The following CCDC171 variants were observed in gnomAD, a reference collection of about 807,000 sequenced individuals.
CCDC171 encodes the protein coiled-coil domain-containing protein 171.
A neutral mutation model predicts 168.2 loss-of-function variants in CCDC171; 177 were observed. That is an observed-to-expected ratio of 1.05 (90% confidence interval 0.93 to 1.19). The LOEUF (loss-of-function observed/expected upper bound fraction) is 1.19, where lower values mean the gene tolerates loss of function less well. Ranked by LOEUF, CCDC171 falls within the 50% of genes most tolerant of loss-of-function variation. The probability of loss-of-function intolerance (pLI) is 0.00; values close to 1 mark genes in which losing one functional copy is unlikely to be tolerated. For missense variants in CCDC171, 1,991 were observed against 1,539.0 expected, an observed-to-expected ratio of 1.29 and a Z score of -4.91; for synonymous variants, 687 against 540.8, an observed-to-expected ratio of 1.27 and a Z score of -3.75.
intron 7 of CCDC171, among the ~76,000 whole-genome samples, chr9:15,648,732 T>C (rs2047250786): frequency 6.6e-6 from 1 of 152,030 alleles, no homozygotes; most frequent in Non-Finnish European, 1.5e-5. Flanking sequence ...AAACCAGTGC[T>C]CAACAAAATA....
chr9:15,721,152 T>C (rs2053453728), intron 11 of CCDC171, among the ~76,000 whole-genome samples: 1 of 152,224 alleles, frequency 6.6e-6, no homozygotes, highest in Non-Finnish European at 1.5e-5. Context: ...AGGGTTTTAA[T>C]TGAAACATGA....
chr9:15,954,849 A>G (rs1002648381), intron 25 of CCDC171, among the ~76,000 whole-genome samples: 2 of 151,834 alleles, frequency 1.3e-5, no homozygotes, highest in African/African-American at 4.8e-5. Flanking sequence ...TTTTCTTCAC[A>G]TCTTTCTTTA....
chr9:15,701,956 G>A (rs2051784573), intron 11 of CCDC171, among the ~76,000 whole-genome samples: 8 of 152,180 alleles, frequency 5.3e-5, no homozygotes, highest in Admixed American at 3.9e-4. Flanking sequence ...ATCTATGGCA[G>A]CTATAGCCTT....
At chr9:16,031,155 A>G (rs1456859347) in intron 6 of CCDC171, among the ~76,000 whole-genome samples, 1 of 152,130 alleles carries the variant, frequency 6.6e-6, no homozygotes, top group Non-Finnish European at 1.5e-5. Context: ...GGTGAATTTT[A>G]TGTTTAGGAG....
intron 16 of CCDC171, among the ~76,000 whole-genome samples, chr9:15,740,875 C>T (rs922268992): frequency 6.6e-6 from 1 of 152,092 alleles, no homozygotes; most frequent in African/African-American, 2.4e-5. Flanking sequence ...AATTGTACTA[C>T]GTTTATCAAT....
At chr9:15,775,465 C>T (rs761658366) in intron 18 of CCDC171, among the ~76,000 whole-genome samples, 3 of 152,086 alleles carry the variant, frequency 2.0e-5, no homozygotes, top group South Asian at 2.1e-4. Flanking sequence ...ATTACAGGCA[C>T]GTGCCACCAC....
chr9:15,943,862 T>A (rs958990863), intron 25 of CCDC171, among the ~76,000 whole-genome samples: 2 of 151,964 alleles, frequency 1.3e-5, no homozygotes, highest in Admixed American at 1.3e-4. Flanking sequence ...TCATGGGGTT[T>A]GAAAAGATAA....
chr9:15,629,362 G>A (rs1057422024), intron 7 of CCDC171, among the ~76,000 whole-genome samples: 1 of 152,160 alleles, frequency 6.6e-6, no homozygotes, highest in Non-Finnish European at 1.5e-5. Flanking sequence ...GCCAAGGCTC[G>A]AGAACTACGT....
At chr9:16,059,168 A>T (rs2133083303) in intron 1 of CCDC171, among the ~76,000 whole-genome samples, 1 of 152,302 alleles carries the variant, frequency 6.6e-6, no homozygotes, top group Non-Finnish European at 1.5e-5. Context: ...CAATTATAAC[A>T]GCTGCCATTT....
At chr9:15,792,731 T>C (rs1213997053) in intron 21 of CCDC171, among the ~76,000 whole-genome samples, 1 of 152,046 alleles carries the variant, frequency 6.6e-6, no homozygotes, top group South Asian at 2.1e-4. Context: ...CTAAGCTTCA[T>C]AAGCGAAGGA....
intron 24 of CCDC171, among the ~76,000 whole-genome samples, chr9:15,899,226 T>A (rs895291798): frequency 6.6e-6 from 1 of 152,228 alleles, no homozygotes; most frequent in South Asian, 2.1e-4. Context: ...ACAGTTTGTT[T>A]AGCCATTCAT....
intron 9 of CCDC171, among the ~76,000 whole-genome samples, chr9:15,672,194 G>A (rs1180708589): frequency 6.6e-6 from 1 of 152,104 alleles, no homozygotes; most frequent in Non-Finnish European, 1.5e-5. Context: ...TTTTGATGGG[G>A]TTGTTTGTTT....
chr9:15,875,257 CTT>C (rs1420223494), intron 24 of CCDC171: 1 of 151,942 alleles, frequency 6.6e-6, no homozygotes, highest in Non-Finnish European at 1.5e-5. Flanking sequence ...ATTTATAAAA[CTT>C]AAAATATCAA....
chr9:15,598,426 T>C (rs764708087), intron 6 of CCDC171, among the ~76,000 whole-genome samples: 5 of 151,974 alleles, frequency 3.3e-5, no homozygotes, highest in Non-Finnish European at 7.4e-5. Flanking sequence ...CATTCAGGAG[T>C]AGGTTGTTCA....
intron 19 of CCDC171, 90 bp from the exon 20 acceptor site, chr9:15,778,878 C>T: frequency 1.0e-6 from 1 of 967,668 alleles, no homozygotes. Flanking sequence ...TTTGGATAAT[C>T]TAAGTTACAT....
At chr9:15,659,740 G>C (rs772028901) in intron 8 of CCDC171, among the ~76,000 whole-genome samples, 1 of 152,172 alleles carries the variant, frequency 6.6e-6, no homozygotes, top group East Asian at 1.9e-4. Flanking sequence ...TATCAAGTAG[G>C]ATGGTGGGAT....
the CCDC171 span, among the ~76,000 whole-genome samples, chr9:16,100,331 G>A: frequency 2.0e-5 from 3 of 152,084 alleles, no homozygotes; most frequent in Non-Finnish European, 4.4e-5. Context: ...GAGTAAAAAC[G>A]CCATGCATAA....
intron 23 of CCDC171, among the ~76,000 whole-genome samples, chr9:15,856,777 T>C (rs557567802): frequency 2.6e-5 from 4 of 152,132 alleles, no homozygotes; most frequent in Non-Finnish European, 4.4e-5. Flanking sequence ...TTGTGAAATC[T>C]CCATACTTTT....
At chr9:16,103,592 G>A in the CCDC171 span, among the ~76,000 whole-genome samples, 2 of 152,234 alleles carry the variant, frequency 1.3e-5, no homozygotes, top group Admixed American at 6.5e-5. Flanking sequence ...GGTAGCCGAG[G>A]CCAGGCAGAG....
Sources: allele counts gnomAD v4.1 joint callset (sites outside exome capture counted in the v4.1 genomes callset), GRCh38; gene constraint gnomAD v4.1.1; transcripts MANE v1.5; gene names NCBI Gene and HGNC (gene_info 2026-07-23, HGNC 2026-07-21).